The following TINAG variants were observed in gnomAD, a reference collection of about 807,000 sequenced individuals.
TINAG encodes the protein tubulointerstitial nephritis antigen.
A neutral mutation model predicts 72.7 loss-of-function variants in TINAG; 83 were observed. The observed-to-expected ratio is 1.14, with a 90% CI of 0.96 to 1.37. The LOEUF (loss-of-function observed/expected upper bound fraction) is 1.37. Among genes scored for constraint, TINAG ranks in the 40% most tolerant of loss-of-function variants. TINAG has a pLI of 0.00. For missense variants in TINAG, 685 were observed against 576.6 expected (o/e 1.19, Z -1.93); for synonymous variants, 234 against 189.9 (o/e 1.23, Z -1.91).
At chr6:54,340,942 T>C (rs1396370647) in intron 4 of TINAG, among the ~76,000 whole-genome samples, 1 of 152,118 alleles carries the variant, frequency 6.6e-6, no homozygotes, top group Non-Finnish European at 1.5e-5. Flanking sequence ...ATTATTATTA[T>C]TAAATATTTA....
At chr6:54,326,507 G>T (rs1784606048) in intron 3 of TINAG, among the ~76,000 whole-genome samples, 1 of 151,914 alleles carries the variant, frequency 6.6e-6, no homozygotes, top group Non-Finnish European at 1.5e-5. Context: ...GGCATTTAAA[G>T]GAAACTGCAT....
At position 54,308,648 on chromosome 6, in the gene TINAG, C is replaced by A. The variant is rs770070591; in HGVS notation, c.98C>A (p.Ala33Asp). Residue 33 changes from alanine to aspartate, a missense_variant, in exon 1 of 11, where the codon GCT becomes GAT. Coordinates refer to ENST00000259782, the MANE Select transcript of TINAG (RefSeq NM_014464.4). ...TCTCAAAGAGAAGTGGACCTAGAGGCTTATTTCACTAGGAATCACACCGTT... is the reference window on the plus strand; with the variant it reads ...TCTCAAAGAGAAGTGGACCTAGAGGATTATTTCACTAGGAATCACACCGTT... ...YLSQREVDLE[A>D]YFTRNHTVLQ... 6 of 1,613,634 alleles carry A rather than the reference C, an allele frequency of 3.7e-6. No individual in the cohort carries two copies. The highest frequency in any genetic ancestry group is 2.7e-5 in the African/African-American group (2 of 74,866).
At chr6:54,357,975 A>G (rs1342484289) in intron 9 of TINAG, among the ~76,000 whole-genome samples, 1 of 151,330 alleles carries the variant, frequency 6.6e-6, no homozygotes, top group African/African-American at 2.4e-5. Flanking sequence ...CTTCTCGCCG[A>G]CTCCCACTCC....
chr6:54,317,424 G>A (rs1784397431), intron 1 of TINAG, among the ~76,000 whole-genome samples: 1 of 152,034 alleles, frequency 6.6e-6, no homozygotes, highest in Admixed American at 6.6e-5. Flanking sequence ...TGTTCTTGTA[G>A]TAGTGAATGA....
intron 3 of TINAG, among the ~76,000 whole-genome samples, chr6:54,323,856 A>T (rs930429985): frequency 1.3e-5 from 2 of 152,184 alleles, no homozygotes; most frequent in African/African-American, 4.8e-5. Context: ...CGTTAGGTTG[A>T]TGCACTAGAA....
upstream of TINAG, chr6:54,307,992 A>T: frequency 6.5e-7 from 1 of 1,531,286 alleles, no homozygotes; most frequent in Non-Finnish European, 8.8e-7. Flanking sequence ...ACAGATGGGA[A>T]ATCAAACCAG....
At chr6:54,342,376 T>G (rs1236641194) in intron 4 of TINAG, among the ~76,000 whole-genome samples, 3 of 151,304 alleles carry the variant, frequency 2.0e-5, no homozygotes, top group African/African-American at 7.3e-5. Flanking sequence ...TTTTTTTTTT[T>G]GAGATGGAGT....
chr6:54,313,921 A>T (rs1161786198), intron 1 of TINAG, among the ~76,000 whole-genome samples: 1 of 152,140 alleles, frequency 6.6e-6, no homozygotes, highest in Non-Finnish European at 1.5e-5. Flanking sequence ...GGAGTAATCG[A>T]TAGTATTTAA....
At chr6:54,365,826 C>T (rs1763391781) in intron 9 of TINAG, among the ~76,000 whole-genome samples, 1 of 151,504 alleles carries the variant, frequency 6.6e-6, no homozygotes, top group Non-Finnish European at 1.5e-5. Context: ...TGTATGTTCT[C>T]TCTTTAGAGA....
At chr6:54,319,860 A>T (rs545029382) in intron 1 of TINAG, among the ~76,000 whole-genome samples, 2 of 152,288 alleles carry the variant, frequency 1.3e-5, no homozygotes, top group Middle Eastern at 3.4e-3. Context: ...ATTTGAGCAG[A>T]TTATATTTTC....
chr6:54,309,731 T>TG (rs2150925487), intron 1 of TINAG, among the ~76,000 whole-genome samples: 1 of 151,914 alleles, frequency 6.6e-6, no homozygotes, highest in Admixed American at 6.6e-5. Context: ...CTACCATAAA[T>TG]GGGTGATGGT....
At chr6:54,333,547 C>A (rs1236244784) in intron 4 of TINAG, among the ~76,000 whole-genome samples, 1 of 151,914 alleles carries the variant, frequency 6.6e-6, no homozygotes, top group African/African-American at 2.4e-5. Context: ...AGCAAACCAC[C>A]ATGGCACATG....
chr6:54,376,365 A>G (rs1763779555), intron 9 of TINAG, among the ~76,000 whole-genome samples: 1 of 152,162 alleles, frequency 6.6e-6, no homozygotes, highest in Non-Finnish European at 1.5e-5. Context: ...AAAAGTAGAA[A>G]CTAACAGGTG....
At chr6:54,386,363 C>T (rs547168140) in intron 10 of TINAG, among the ~76,000 whole-genome samples, 1 of 152,288 alleles carries the variant, frequency 6.6e-6, no homozygotes, top group East Asian at 1.9e-4. Context: ...TGCTCATGAT[C>T]TCACAAGGAT....
chr6:54,389,986 A>T lies in TINAG; in HGVS notation c.*61A>T, dbSNP rs932793894. 11 of 1,574,984 alleles carry T rather than the reference A, an allele frequency of 7.0e-6. No homozygotes were observed. The highest frequency in any genetic ancestry group is 8.6e-6 in the Non-Finnish European group (10 of 1,164,146). ...GTAACCCCCTAAATTGAAGTTTAGC[A>T]ATATGACATTCTTGGTGACAGTGGA... is the stretch of plus-strand genomic sequence containing the variant. On this transcript the variant is annotated 3_prime_UTR_variant, in exon 11 of 11. Transcript: ENST00000259782.
intron 9 of TINAG, among the ~76,000 whole-genome samples, chr6:54,362,009 T>C (rs568429762): frequency 6.6e-6 from 1 of 151,634 alleles, no homozygotes; most frequent in East Asian, 2.0e-4. Context: ...TTAGCAGAGA[T>C]TGGTTCATAA....
At chr6:54,327,298 A>C in intron 4 of TINAG, 1 of 1,039,248 alleles carries the variant, frequency 9.6e-7, no homozygotes, top group Non-Finnish European at 1.3e-6. Flanking sequence ...CAGCCCATGG[A>C]GGGTGAGCAG....
chr6:54,340,323 T>C (rs935833510), intron 4 of TINAG, among the ~76,000 whole-genome samples: 1 of 151,958 alleles, frequency 6.6e-6, no homozygotes, highest in East Asian at 1.9e-4. Flanking sequence ...AATTTCTATC[T>C]ACTCAAGCCA....
intron 9 of TINAG, among the ~76,000 whole-genome samples, chr6:54,361,200 A>G (rs1414048551): frequency 6.6e-6 from 1 of 151,352 alleles, no homozygotes; most frequent in African/African-American, 2.4e-5. Context: ...AGACACAACA[A>G]TATTAAAATT....
Sources: gnomAD v4.1 joint callset for allele counts (sites outside exome capture counted in the v4.1 genomes callset) on GRCh38, gnomAD v4.1.1 for gene constraint, MANE v1.5 for transcripts, NCBI Gene and HGNC (gene_info 2026-07-23, HGNC 2026-07-21) for gene names.